The following CACNA2D3 variants were observed in gnomAD, a reference collection of about 807,000 sequenced individuals.
The protein encoded by CACNA2D3 is voltage-dependent calcium channel subunit alpha-2/delta-3.
In CACNA2D3, 60 loss-of-function variants were observed where a neutral mutation model predicts 160.6. The observed-to-expected ratio is 0.37, with a 90% CI of 0.30 to 0.46. CACNA2D3 has a LOEUF of 0.46. Ranked by LOEUF, CACNA2D3 falls within the 20% of genes least tolerant of loss-of-function variation. CACNA2D3 has a pLI of 1.00. For missense variants in CACNA2D3, 1,205 were observed against 1,365.0 expected (o/e 0.88, Z 1.85); for synonymous variants, 558 against 492.9 (o/e 1.13, Z -1.75).
At chr3:54,863,143 G>A (rs1023694935) in intron 17 of CACNA2D3, among the ~76,000 whole-genome samples, 4 of 152,142 alleles carry the variant, frequency 2.6e-5, no homozygotes, top group Non-Finnish European at 5.9e-5. Flanking sequence ...TTTGGAGAAG[G>A]CATATATCCA....
rs28665577 is a variant in CACNA2D3, at chr3:54,740,553, C to T, written c.1168-12046C>T. On this transcript the variant is annotated intron_variant, in intron 11 of 37. Coordinates refer to ENST00000474759, the MANE Select transcript of CACNA2D3 (RefSeq NM_018398.3). ...GTGAGCTCGTACAGATCACCAAAAA[C>T]CCACAAGTCATTCTGATCTGTCCTT... 7.7e-3 allele frequency among the ~76,000 whole-genome samples: 1,166 copies of T among 152,252 alleles called. 13 individuals carry two copies. Among genetic ancestry groups the T allele is most frequent in the African/African-American group, 0.026 (1,069 of 41,554 alleles).
At chr3:54,581,145 C>T (rs1369769418) in intron 8 of CACNA2D3, among the ~76,000 whole-genome samples, 2 of 152,166 alleles carry the variant, frequency 1.3e-5, no homozygotes, top group Non-Finnish European at 2.9e-5. Flanking sequence ...GGCAGAGAAG[C>T]AAGCTTGCTG....
At chr3:54,170,743 A>G (rs1700546956) in intron 2 of CACNA2D3, among the ~76,000 whole-genome samples, 1 of 152,192 alleles carries the variant, frequency 6.6e-6, no homozygotes, top group Non-Finnish European at 1.5e-5. Flanking sequence ...CTTTTTATAT[A>G]AAGTCTGGCA....
At chr3:55,066,095 C>T (rs1704629834) in intron 35 of CACNA2D3, among the ~76,000 whole-genome samples, 1 of 152,124 alleles carries the variant, frequency 6.6e-6, no homozygotes, top group African/African-American at 2.4e-5. Flanking sequence ...GGCCCAGGTC[C>T]ATGTAGGGAA....
At chr3:54,402,437 A>G (rs1476156928) in intron 4 of CACNA2D3, among the ~76,000 whole-genome samples, 1 of 152,178 alleles carries the variant, frequency 6.6e-6, no homozygotes, top group Non-Finnish European at 1.5e-5. Context: ...AAGGAATGGA[A>G]GAAGATATTG....
intron 29 of CACNA2D3, among the ~76,000 whole-genome samples, chr3:54,981,812 C>G (rs572359321): frequency 1.2e-4 from 19 of 152,370 alleles, no homozygotes; most frequent in East Asian, 3.9e-4. Context: ...ACTTGCCCCC[C>G]CATTGGGTCC....
intron 4 of CACNA2D3, among the ~76,000 whole-genome samples, chr3:54,450,341 A>G (rs1235271700): frequency 6.6e-6 from 1 of 152,164 alleles, no homozygotes; most frequent in Non-Finnish European, 1.5e-5. Flanking sequence ...TATCCTTCCT[A>G]TGTGCAAAAC....
intron 5 of CACNA2D3, among the ~76,000 whole-genome samples, chr3:54,526,722 G>C (rs1701728743): frequency 6.6e-6 from 1 of 152,110 alleles, no homozygotes; most frequent in Admixed American, 6.5e-5. Flanking sequence ...ATGGAGTCTT[G>C]CTCTGTTGCC....
intron 5 of CACNA2D3, among the ~76,000 whole-genome samples, chr3:54,520,296 G>A (rs1007589619): frequency 8.5e-5 from 13 of 152,220 alleles, no homozygotes; most frequent in African/African-American, 3.1e-4. Flanking sequence ...TGAGAGCCAA[G>A]GGAAGAGTGT....
chr3:54,783,145 G>A (rs1298737442), intron 13 of CACNA2D3, among the ~76,000 whole-genome samples: 1 of 152,116 alleles, frequency 6.6e-6, no homozygotes, highest in Non-Finnish European at 1.5e-5. Context: ...CATGCAAGAA[G>A]GTCTCCTGCA....
At chr3:54,629,477 AGAG>A (rs761483625) in intron 10 of CACNA2D3, among the ~76,000 whole-genome samples, 15 of 152,296 alleles carry the variant, frequency 9.8e-5, no homozygotes, top group African/African-American at 2.2e-4. Flanking sequence ...TCATGACTGC[AGAG>A]GAGAAGAGAA....
intron 5 of CACNA2D3, among the ~76,000 whole-genome samples, chr3:54,510,086 A>C (rs942447692): frequency 6.6e-6 from 1 of 151,930 alleles, no homozygotes; most frequent in East Asian, 1.9e-4. Flanking sequence ...TGGATGGATA[A>C]ATGGATGGAT....
intron 9 of CACNA2D3, chr3:54,626,615 C>T (rs1699113538): frequency 5.1e-6 from 7 of 1,374,232 alleles, no homozygotes; most frequent in Non-Finnish European, 7.2e-6. Flanking sequence ...GGCATCGGGG[C>T]CAGCCACTCC....
At chr3:54,282,142 T>A (rs1034921137) in intron 2 of CACNA2D3, among the ~76,000 whole-genome samples, 5 of 152,180 alleles carry the variant, frequency 3.3e-5, no homozygotes, top group Non-Finnish European at 1.5e-5. Context: ...TCCAGTTTGT[T>A]AAAATGCATG....
intron 11 of CACNA2D3, among the ~76,000 whole-genome samples, chr3:54,657,818 C>G (rs1699901471): frequency 6.6e-6 from 1 of 152,042 alleles, no homozygotes; most frequent in African/African-American, 2.4e-5. Flanking sequence ...CATTTGAGGT[C>G]AGGAGTTTGA....
intron 21 of CACNA2D3, among the ~76,000 whole-genome samples, chr3:54,883,596 T>C (rs1265011990): frequency 6.6e-6 from 1 of 152,086 alleles, no homozygotes; most frequent in Non-Finnish European, 1.5e-5. Flanking sequence ...GTAAATGAGG[T>C]TGGGAGGATG....
intron 9 of CACNA2D3, among the ~76,000 whole-genome samples, chr3:54,587,945 T>A (rs1246675984): frequency 6.6e-6 from 1 of 152,020 alleles, no homozygotes; most frequent in Non-Finnish European, 1.5e-5. Flanking sequence ...TCCAGAAAAA[T>A]AGAAGAGTAA....
chr3:54,853,956 C>T (rs573628339), intron 17 of CACNA2D3, among the ~76,000 whole-genome samples: 3 of 152,240 alleles, frequency 2.0e-5, no homozygotes, highest in South Asian at 2.1e-4. Flanking sequence ...GCCTCCTGGA[C>T]CCCCGCTCTC....
chr3:54,315,823 A>G (rs1014119242), intron 2 of CACNA2D3, among the ~76,000 whole-genome samples: 5 of 152,218 alleles, frequency 3.3e-5, no homozygotes, highest in African/African-American at 1.2e-4. Context: ...AGACTCTGGT[A>G]ATGAAGACAT....
Sources: gnomAD v4.1 joint callset for allele counts (sites outside exome capture counted in the v4.1 genomes callset) on GRCh38, gnomAD v4.1.1 for gene constraint, MANE v1.5 for transcripts, NCBI Gene and HGNC (gene_info 2026-07-23, HGNC 2026-07-21) for gene names.